The following DTNA variants were observed in gnomAD, a reference collection of about 807,000 sequenced individuals.
DTNA encodes the protein dystrophin-related protein 3.
DTNA carries 43 observed loss-of-function variants against 100.7 expected under a neutral mutation model. The ratio of observed to expected loss-of-function variants is 0.43; its 90% CI spans 0.33 to 0.55. The LOEUF (loss-of-function observed/expected upper bound fraction) is 0.55, where lower values mean the gene tolerates loss of function less well. Ranked by LOEUF, DTNA falls within the 20% of genes least tolerant of loss-of-function variation. The probability of loss-of-function intolerance (pLI) is 0.04; values close to 1 mark genes in which losing one functional copy is unlikely to be tolerated. For missense variants in DTNA, 798 were observed against 953.9 expected, an observed-to-expected ratio of 0.84 and a Z score of 2.15; for synonymous variants, 349 against 347.9, an observed-to-expected ratio of 1.00 and a Z score of -0.04.
chr18:34,853,176 G>A (rs192522448), intron 15 of DTNA, among the ~76,000 whole-genome samples: 2 of 152,280 alleles, frequency 1.3e-5, no homozygotes, highest in Admixed American at 1.3e-4. Flanking sequence ...TGTGGTTTTT[G>A]CCATTATTTT....
intron 1 of DTNA, among the ~76,000 whole-genome samples, chr18:34,514,937 G>C (rs571657953): frequency 6.6e-6 from 1 of 152,174 alleles, no homozygotes; most frequent in South Asian, 2.1e-4. Flanking sequence ...CAAGATGTGT[G>C]TTTTAATATG....
intron 5 of DTNA, 35 bp from the exon 6 acceptor site, chr18:34,811,924 G>A: frequency 6.2e-7 from 1 of 1,612,488 alleles, no homozygotes; most frequent in South Asian, 1.1e-5. Context: ...GAATGTTCAT[G>A]TGATGAATAA....
chr18:34,726,078 C>G (rs182605853), intron 1 of DTNA, among the ~76,000 whole-genome samples: 1 of 152,204 alleles, frequency 6.6e-6, no homozygotes, highest in African/African-American at 2.4e-5. Flanking sequence ...GAGGGAACGT[C>G]ACACACCAGA....
chr18:34,707,210 A>G (rs78258173), upstream of DTNA, among the ~76,000 whole-genome samples: 1,218 of 152,262 alleles, frequency 8.0e-3, 9 homozygotes, highest in Non-Finnish European at 0.012. Flanking sequence ...AGTGAAGCAT[A>G]TAACTTTGAA....
chr18:34,625,421 C>A (rs1274946364), intron 1 of DTNA, among the ~76,000 whole-genome samples: 16 of 152,186 alleles, frequency 1.1e-4, no homozygotes, highest in Admixed American at 1.0e-3. Context: ...AATCTGCCTG[C>A]CTCAGCTTCC....
chr18:34,825,594 G>A (rs992946722), intron 9 of DTNA, among the ~76,000 whole-genome samples: 1 of 152,136 alleles, frequency 6.6e-6, no homozygotes, highest in East Asian at 1.9e-4. Flanking sequence ...AGGAATTTCA[G>A]TCCCTCTGAA....
intron 1 of DTNA, among the ~76,000 whole-genome samples, chr18:34,495,661 T>C (rs953886224): frequency 6.6e-6 from 1 of 152,196 alleles, no homozygotes; most frequent in Non-Finnish European, 1.5e-5. Context: ...CAAGCTGTAT[T>C]TTAAGGGCAT....
intron 1 of DTNA, among the ~76,000 whole-genome samples, chr18:34,541,154 C>G (rs1022749846): frequency 6.6e-6 from 1 of 152,030 alleles, no homozygotes; most frequent in African/African-American, 2.4e-5. Flanking sequence ...AAAATTACCT[C>G]TATAAAAAGT....
At chr18:34,590,129 G>T (rs2049559600) in intron 1 of DTNA, among the ~76,000 whole-genome samples, 1 of 152,182 alleles carries the variant, frequency 6.6e-6, no homozygotes, top group African/African-American at 2.4e-5. Context: ...AAAAGAGATT[G>T]CTGGGTATAT....
intron 1 of DTNA, among the ~76,000 whole-genome samples, chr18:34,728,468 A>C (rs1200682669): frequency 1.3e-5 from 2 of 152,164 alleles, no homozygotes; most frequent in Non-Finnish European, 2.9e-5. Context: ...TTCCCCACCT[A>C]AAATTTCTAT....
intron 1 of DTNA, among the ~76,000 whole-genome samples, chr18:34,515,488 A>T (rs912044928): frequency 3.3e-5 from 5 of 152,134 alleles, no homozygotes; most frequent in African/African-American, 9.7e-5. Flanking sequence ...TCTTAAAAAC[A>T]TCTTACTATT....
chr18:34,537,529 A>T (rs917477369), intron 1 of DTNA, among the ~76,000 whole-genome samples: 1 of 152,018 alleles, frequency 6.6e-6, no homozygotes, highest in Non-Finnish European at 1.5e-5. Context: ...CAAAAAAAAA[A>T]GCACATTTAC....
intron 1 of DTNA, among the ~76,000 whole-genome samples, chr18:34,525,923 G>A (rs2042567891): frequency 1.3e-5 from 2 of 152,078 alleles, no homozygotes; most frequent in Admixed American, 6.6e-5. Flanking sequence ...AAACTGAAAC[G>A]GGGCTCAAGT....
At chr18:34,834,713 G>A (rs2149662375) in intron 11 of DTNA, among the ~76,000 whole-genome samples, 1 of 152,144 alleles carries the variant, frequency 6.6e-6, no homozygotes, top group Middle Eastern at 3.4e-3. Flanking sequence ...GCCCTCAAGG[G>A]AACTAATAGA....
At chr18:34,666,636 C>A (rs571566292) in intron 1 of DTNA, among the ~76,000 whole-genome samples, 5 of 152,046 alleles carry the variant, frequency 3.3e-5, no homozygotes, top group Admixed American at 2.0e-4. Flanking sequence ...AGCTTTCTAC[C>A]TATGGCTAGC....
At chr18:34,881,451 T>TTTTTTTTTTTA in intron 20 of DTNA, among the ~76,000 whole-genome samples, 1 of 146,550 alleles carries the variant, frequency 6.8e-6, no homozygotes, top group Non-Finnish European at 1.5e-5. Context: ...TTTTTTTTTT[T>TTTTTTTTTTTA]TTTTTTTTTT....
At chr18:34,656,240 G>T (rs541593865) in intron 1 of DTNA, among the ~76,000 whole-genome samples, 1 of 152,240 alleles carries the variant, frequency 6.6e-6, no homozygotes, top group East Asian at 1.9e-4. Context: ...TCCAATTTTA[G>T]TGTTGCTAAA....
At chr18:34,649,290 A>T (rs1180512753) in intron 1 of DTNA, among the ~76,000 whole-genome samples, 8 of 152,202 alleles carry the variant, frequency 5.3e-5, no homozygotes, top group Admixed American at 5.2e-4. Context: ...GATGACGTGC[A>T]CAAAAGAAGA....
chr18:34,779,231 T>C (rs2094205361), intron 3 of DTNA, among the ~76,000 whole-genome samples: 1 of 152,152 alleles, frequency 6.6e-6, no homozygotes, highest in Admixed American at 6.5e-5. Context: ...TTTTGTGTCT[T>C]ATCACTGTTT....
Sources: allele counts gnomAD v4.1 joint callset (sites outside exome capture counted in the v4.1 genomes callset), GRCh38; gene constraint gnomAD v4.1.1; transcripts MANE v1.5; gene names NCBI Gene and HGNC (gene_info 2026-07-23, HGNC 2026-07-21).